FRY: variants seen among roughly 807,000 people sequenced by gnomAD.
FRY encodes the protein protein furry homolog.
FRY carries 128 observed loss-of-function variants against 348.4 expected under a neutral mutation model. The observed-to-expected ratio is 0.37, with a 90% CI of 0.32 to 0.43. The LOEUF (loss-of-function observed/expected upper bound fraction) is 0.43. Ranked by LOEUF, FRY falls within the 20% of genes least tolerant of loss-of-function variation. The pLI is 1.00. For missense variants in FRY, 2,736 were observed against 3,695.2 expected, an observed-to-expected ratio of 0.74 and a Z score of 6.73; for synonymous variants, 1,370 against 1,374.7, an observed-to-expected ratio of 1.00 and a Z score of 0.08.
At chr13:32,285,013 T>C (rs767287143) in intron 58 of FRY, among the ~76,000 whole-genome samples, 16 of 152,244 alleles carry the variant, frequency 1.1e-4, no homozygotes, top group Non-Finnish European at 1.9e-4. Context: ...CTTGGCTTCT[T>C]GATCTTTTGT....
chr13:32,052,155 G>A (rs971876572), intron 1 of FRY, among the ~76,000 whole-genome samples: 4 of 152,138 alleles, frequency 2.6e-5, no homozygotes, highest in African/African-American at 9.7e-5. Context: ...AATTACTTCA[G>A]TGTTCTCTTC....
In FRY at chr13:32,210,756, G is replaced by A. The variant is rs1884637704; in HGVS notation, c.4423-110G>A. 3 of 854,430 alleles carry A rather than the reference G, an allele frequency of 3.5e-6. No homozygotes were observed. The East Asian group carries it at 7.9e-5, about 22-fold the overall frequency. 52.9% of individuals were successfully genotyped at this position (854,430 alleles called of 1,614,324 possible). A position where few individuals can be genotyped will look rare whatever the true frequency, so the allele number is the denominator to read the frequency against. ...GATAGCACAAAGATTAGCTATCACGGTGACAGCTCCTGCATGATGACAACT... is the reference window on the plus strand; with the variant it reads ...GATAGCACAAAGATTAGCTATCACGATGACAGCTCCTGCATGATGACAACT... On this transcript the variant is annotated intron_variant, in intron 33 of 60. Transcript: ENST00000542859.
At chr13:32,285,202 G>T (rs1888986905) in intron 58 of FRY, among the ~76,000 whole-genome samples, 1 of 152,150 alleles carries the variant, frequency 6.6e-6, no homozygotes, top group South Asian at 2.1e-4. Flanking sequence ...CTTCTCAAGG[G>T]ATTATTTTTA....
intron 16 of FRY, 61 bp from the exon 17 acceptor site, chr13:32,161,083 C>A: frequency 9.3e-7 from 1 of 1,072,334 alleles, no homozygotes; most frequent in Non-Finnish European, 1.5e-6. Flanking sequence ...GCACTTAATT[C>A]ATTTTGTTTT....
chr13:32,155,562 C>A lies in FRY; in HGVS notation c.1551C>A (p.Pro517=), dbSNP rs762743909. 12 of 1,612,662 alleles carry A rather than the reference C, an allele frequency of 7.4e-6. No individual in the cohort carries two copies. Among genetic ancestry groups the A allele is most frequent in the Admixed American group, 5.0e-5 (3 of 59,998 alleles). Residue 517 remains proline (P), a synonymous_variant, in exon 15 of 61, where the codon CCC becomes CCA. Coordinates refer to ENST00000542859, the MANE Select transcript of FRY (RefSeq NM_023037.3). ...DSLQQKDGEP[P]MPVTGAVLPS... is the part of the protein sequence containing the mutation. ...TGCAGCAGAAAGATGGGGAACCTCCCATGCCGGTTACAGGAGCCGTTCTTC... is the reference window on the plus strand; with the variant it reads ...TGCAGCAGAAAGATGGGGAACCTCCAATGCCGGTTACAGGAGCCGTTCTTC...
chr13:32,243,960 T>C, intron 46 of FRY, 82 bp from the exon 47 acceptor site: 3 of 1,447,852 alleles, frequency 2.1e-6, no homozygotes, highest in Non-Finnish European at 2.9e-6. Flanking sequence ...AAATGTGCAA[T>C]CCTAAATGTG....
At chr13:32,102,855 T>C (rs772664500) in intron 3 of FRY, among the ~76,000 whole-genome samples, 2 of 152,210 alleles carry the variant, frequency 1.3e-5, no homozygotes, top group Non-Finnish European at 2.9e-5. Context: ...AAAACCTCAG[T>C]TGGTGCCAAC....
intron 55 of FRY, among the ~76,000 whole-genome samples, 166 bp from the exon 56 acceptor site, chr13:32,274,676 C>G (rs952466994): frequency 1.6e-5 from 2 of 127,220 alleles, no homozygotes; most frequent in African/African-American, 3.0e-5. Flanking sequence ...TGCACTCCAG[C>G]CTGGGCGACA....
At chr13:32,246,315 T>A (rs1281075237) in intron 47 of FRY, among the ~76,000 whole-genome samples, 1 of 152,282 alleles carries the variant, frequency 6.6e-6, no homozygotes, top group Non-Finnish European at 1.5e-5. Flanking sequence ...AATTTGTTTA[T>A]CTGTGTTTCT....
At chr13:32,065,004 T>C (rs1874165896) in intron 1 of FRY, among the ~76,000 whole-genome samples, 1 of 152,220 alleles carries the variant, frequency 6.6e-6, no homozygotes, top group Admixed American at 6.5e-5. Context: ...ATGCAGACAG[T>C]TCAGTTACTC....
intron 44 of FRY, 120 bp downstream of exon 44, chr13:32,238,106 G>C: frequency 9.3e-7 from 1 of 1,077,064 alleles, no homozygotes; most frequent in Non-Finnish European, 1.4e-6. Context: ...GGTTCCTTGG[G>C]AGTAGTTTAT....
In FRY at chr13:32,298,182, G is replaced by C. The variant is rs148634762; in HGVS notation, c.*2722G>C. The C allele has an allele frequency of 6.6e-6, 1 of 152,278 alleles. No individual in the cohort carries two copies. The highest frequency in any genetic ancestry group is 1.9e-4 in the East Asian group (1 of 5,180). The allele number at this position is 152,278 out of a possible 1,614,324, so 9.4% of individuals were successfully genotyped here. On this transcript the variant is annotated 3_prime_UTR_variant, in exon 61 of 61. Transcript: ENST00000542859. The stretch of plus-strand genomic sequence containing the variant: ...TGAACATCCAGAGTTAGGTCTCAAG[G>C]CTCTTCTGGTTCTAAGTCCTAACAA...
chr13:32,258,613 A>AAAGTCTCAAGACTCTGTCTC, intron 51 of FRY, among the ~76,000 whole-genome samples: 2 of 10,284 alleles, frequency 1.9e-4, no homozygotes, highest in Non-Finnish European at 1.9e-3. Flanking sequence ...ACTCTGTCTC[A>AAAGTCTCAAGACTCTGTCTC]AAAAAAAAAA....
chr13:32,123,464 GA>G (rs1484283987), intron 4 of FRY, among the ~76,000 whole-genome samples: 12 of 152,126 alleles, frequency 7.9e-5, no homozygotes, highest in Admixed American at 7.9e-4. Flanking sequence ...AAATGTAAGA[GA>G]AAAGGGACAG....
rs778508294 is a variant in FRY, at chr13:32,147,852, A to C, written c.1297A>C (p.Ile433Leu). The C allele has an allele frequency of 6.2e-7, 1 of 1,600,582 alleles. No homozygotes were observed. The highest frequency in any genetic ancestry group is 2.2e-5 in the East Asian group (1 of 44,834). The part of the protein sequence containing the change: ...NTATQSRLIT[I>L]ITTLFPKGSR... ...CTTATCTTTCAGCCGACTTATAACCATCATCACAACACTTTTCCCCAAAGG... is the reference window on the plus strand; with the variant it reads ...CTTATCTTTCAGCCGACTTATAACCCTCATCACAACACTTTTCCCCAAAGG... The change falls in exon 13 of 61, where the codon ATC becomes CTC. Residue 433 changes from isoleucine (I) to leucine (L), a missense_variant. Coordinates refer to ENST00000542859, the MANE Select transcript of FRY (RefSeq NM_023037.3).
intron 7 of FRY, among the ~76,000 whole-genome samples, chr13:32,125,659 A>G (rs368264184): frequency 2.6e-5 from 4 of 152,342 alleles, no homozygotes; most frequent in Admixed American, 6.5e-5. Context: ...ACGTAGTAGC[A>G]TGGAAATTAC....
Position 32,145,540 on chromosome 13 carries a change from T to TG in FRY, c.1180-1742_1180-1741insG, listed in dbSNP as rs1555257816. Among the ~76,000 whole-genome samples the TG allele has an allele frequency of 4.7e-3, 460 of 97,490 alleles. 11 individuals are homozygous for TG. The highest frequency in any genetic ancestry group is 0.012 in the African/African-American group (357 of 29,062). The allele number at this position is 97,490 out of a possible 152,430, so 64.0% of individuals were successfully genotyped here. ...CTGACTGATTTGTTTTTTTTTTTTTTTTTTTTTTTTTTTTTGAGACGGAGT... is the reference window on the plus strand; with the variant it reads ...CTGACTGATTTGTTTTTTTTTTTTTTGTTTTTTTTTTTTTTTGAGACGGAGT... On this transcript the variant is annotated intron_variant, in intron 11 of 60. Transcript: ENST00000542859.
At chr13:32,053,682 C>T (rs757781900) in intron 1 of FRY, among the ~76,000 whole-genome samples, 4 of 152,220 alleles carry the variant, frequency 2.6e-5, no homozygotes, top group Non-Finnish European at 5.9e-5. Flanking sequence ...AGAGTCTTCC[C>T]TGAAGGAGGA....
intron 36 of FRY, among the ~76,000 whole-genome samples, chr13:32,222,327 C>T (rs1004799578): frequency 6.6e-6 from 1 of 152,118 alleles, no homozygotes; most frequent in Admixed American, 6.5e-5. Context: ...CTTGTAAGGC[C>T]TTAAAGGCCA....
Sources: allele counts gnomAD v4.1 joint callset (sites outside exome capture counted in the v4.1 genomes callset), GRCh38; gene constraint gnomAD v4.1.1; transcripts MANE v1.5; gene names NCBI Gene and HGNC (gene_info 2026-07-23, HGNC 2026-07-21).